The following HERC1 variants were observed in gnomAD, a reference collection of about 807,000 sequenced individuals.
HERC1 encodes the protein HECT and RLD domain containing E3 ubiquitin protein ligase family member 1.
HERC1 carries 160 observed loss-of-function variants against 554.3 expected under a neutral mutation model. That is an observed-to-expected ratio of 0.29 (90% CI 0.25 to 0.33). The LOEUF (loss-of-function observed/expected upper bound fraction) is 0.33, where lower values mean the gene tolerates loss of function less well. Among genes scored for constraint, HERC1 ranks in the 10% least tolerant of loss-of-function variants. The pLI, the probability that HERC1 is intolerant of heterozygous loss-of-function variation, is 1.00. For synonymous variants in HERC1, 2,175 were observed against 2,131.7 expected, an observed-to-expected ratio of 1.02 and a Z score of -0.56; for missense variants, 4,919 against 5,918.5, an observed-to-expected ratio of 0.83 and a Z score of 5.54.
intron 1 of HERC1, among the ~76,000 whole-genome samples, chr15:63,817,535 CA>C (rs1162968540): frequency 6.6e-6 from 1 of 152,098 alleles, no homozygotes; most frequent in Non-Finnish European, 1.5e-5. Flanking sequence ...GCCAACATGA[CA>C]AAACCGCATC....
rs143600242 is a variant in HERC1 at position 63,809,989 on chromosome 15, A to C, written c.-27+23838T>G. Among the ~76,000 whole-genome samples, 483 of 152,278 alleles carry C rather than the reference A, an allele frequency of 3.2e-3. 3 individuals carry two copies. Among genetic ancestry groups the C allele is most frequent in the Admixed American group, 8.9e-3 (136 of 15,290 alleles). On this transcript the variant is annotated intron_variant, in intron 1 of 77. Transcript: ENST00000443617. ...ACTGCACCCAGCCAGGAAACAATCT[A>C]AAGTCCACAAATAATAAACTGGTTA... is the stretch of plus-strand genomic sequence containing the variant.
intron 1 of HERC1, among the ~76,000 whole-genome samples, chr15:63,780,731 A>G (rs2076264222): frequency 6.6e-6 from 1 of 152,174 alleles, no homozygotes; most frequent in South Asian, 2.1e-4. Flanking sequence ...CAAAAAAAAA[A>G]AGGTAAAACA....
At chr15:63,767,404 G>A (rs1233670502) in intron 2 of HERC1, among the ~76,000 whole-genome samples, 2 of 151,652 alleles carry the variant, frequency 1.3e-5, no homozygotes, top group African/African-American at 4.8e-5. Context: ...CTACTGGGCA[G>A]ATAAACAATA....
At position 63,756,382 on chromosome 15, in the gene HERC1, C is replaced by T; in HGVS notation, c.1533+55G>A. On this transcript the variant is annotated intron_variant, in intron 5 of 77. Transcript: ENST00000443617. This position sits in a 1 kb window ranked among gnomAD's most constrained non-coding sequence, Gnocchi z 5.0. ...CACATCAAAATCTGAACGACATTGT[C>T]AATTACAACTCCAATGCATCTAATT... 1 of 1,402,990 alleles carries T rather than the reference C, an allele frequency of 7.1e-7. No homozygotes were observed. Among genetic ancestry groups the T allele is most frequent in the Non-Finnish European group, 9.8e-7 (1 of 1,017,546 alleles). 86.9% of individuals were successfully genotyped at this position (1,402,990 alleles called of 1,614,324 possible).
In HERC1 at chr15:63,656,350, C is replaced by T. The variant is rs757191223; in HGVS notation, c.9608G>A (p.Ser3203Asn). Residue 3203 changes from serine (S) to asparagine (N), a missense_variant, in exon 49 of 78, where the codon AGT becomes AAT. Transcript: ENST00000443617. Reference sequence around the variant, plus strand: ...CTCAAGACCAGCAGCCAGGCTACAACTGGAACCACTGCCAGTAAAGAAAAA... The same window carrying T: ...CTCAAGACCAGCAGCCAGGCTACAATTGGAACCACTGCCAGTAAAGAAAAA... ...ALSLLSVSGS[S>N]CSLAAGLESL... 3 of 1,606,444 alleles carry T rather than the reference C, an allele frequency of 1.9e-6. No homozygotes were observed. The highest frequency in any genetic ancestry group is 4.5e-5 in the East Asian group (2 of 44,654).
intron 24 of HERC1, among the ~76,000 whole-genome samples, chr15:63,707,534 T>A (rs1191766526): frequency 6.6e-6 from 1 of 152,172 alleles, no homozygotes; most frequent in Non-Finnish European, 1.5e-5. Context: ...ACAAATCATA[T>A]ATGACTTAAG....
intron 25 of HERC1, 62 bp downstream of exon 25, chr15:63,706,715 CTTT>C (rs34366173): frequency 0.015 from 10,388 of 671,354 alleles, 1 homozygote; most frequent in Non-Finnish European, 0.019. Flanking sequence ...TTACTATGCT[CTTT>C]TTTTTTTTTT....
At chr15:63,715,459 A>C (rs540171288) in intron 22 of HERC1, among the ~76,000 whole-genome samples, 1 of 151,726 alleles carries the variant, frequency 6.6e-6, no homozygotes, top group South Asian at 2.1e-4. Flanking sequence ...CCCATCTCCA[A>C]CTCCCTTTAC....
intron 31 of HERC1, among the ~76,000 whole-genome samples, chr15:63,691,748 G>T (rs1276403921): frequency 7.9e-5 from 12 of 152,032 alleles, no homozygotes; most frequent in Non-Finnish European, 1.5e-5. Context: ...TTATGTTTTG[G>T]CATACTTAGA....
In HERC1 at chr15:63,775,610, A is replaced by C. The variant is rs749907709; in HGVS notation, c.14T>G (p.Ile5Ser). Residue 5 changes from isoleucine to serine, a missense_variant, in exon 2 of 78, where the codon ATT becomes AGT. Physicochemically the swap from Ile to Ser is moderately radical, Grantham distance 142. Around this residue, in one of 11 missense-constraint regions of HERC1, gnomAD observed 110 missense variants for 99.3 expected, o/e 1.11. Coordinates refer to ENST00000443617, the MANE Select transcript of HERC1 (RefSeq NM_003922.4). This position sits in a 1 kb window ranked among gnomAD's most constrained non-coding sequence, Gnocchi z 4.0. MATM[I>S]PPVKLKWLEH... ...AAGCCATTTCAGCTTCACTGGTGGAATCATAGTTGCCATGTTGATTTATCC... is the reference window on the plus strand; with the variant it reads ...AAGCCATTTCAGCTTCACTGGTGGACTCATAGTTGCCATGTTGATTTATCC... The C allele has an allele frequency of 5.0e-6, 8 of 1,596,008 alleles. No individual in the cohort carries two copies. In the East Asian group the frequency reaches 1.6e-4, roughly 31 times the overall value.
intron 1 of HERC1, among the ~76,000 whole-genome samples, chr15:63,831,636 C>T (rs1261326796): frequency 1.3e-5 from 2 of 151,914 alleles, no homozygotes; most frequent in Non-Finnish European, 2.9e-5. Flanking sequence ...TTCAATATAC[C>T]CAGCCCCCTT....
At chr15:63,811,605 C>G (rs2077312774) in intron 1 of HERC1, among the ~76,000 whole-genome samples, 1 of 151,740 alleles carries the variant, frequency 6.6e-6, no homozygotes, top group Non-Finnish European at 1.5e-5. Context: ...GTCGGGAGAT[C>G]GAGACCATCC....
chr15:63,716,578 A>C, intron 21 of HERC1, 105 bp from the exon 22 acceptor site: 1 of 911,044 alleles, frequency 1.1e-6, no homozygotes, highest in Non-Finnish European at 1.6e-6. Flanking sequence ...TGTTGATATC[A>C]GTAATAACAC....
chr15:63,737,968 T>G (rs1194054581), intron 12 of HERC1, among the ~76,000 whole-genome samples: 1 of 152,166 alleles, frequency 6.6e-6, no homozygotes, highest in Non-Finnish European at 1.5e-5. Flanking sequence ...TCAAACTGTT[T>G]AAGTGTGAGC....
intron 1 of HERC1, among the ~76,000 whole-genome samples, chr15:63,819,248 T>C (rs1002989730): frequency 5.9e-5 from 9 of 151,508 alleles, no homozygotes; most frequent in Admixed American, 4.0e-4. Flanking sequence ...CAACTAGAGG[T>C]TGAGATTATT....
chr15:63,785,348 A>C (rs1314901462), intron 1 of HERC1, among the ~76,000 whole-genome samples: 1 of 152,096 alleles, frequency 6.6e-6, no homozygotes, highest in Non-Finnish European at 1.5e-5. Context: ...TTGAGCTCAG[A>C]AGTTCAAAGC....
chr15:63,716,223 G>A, intron 22 of HERC1, 79 bp downstream of exon 22: 1 of 1,298,970 alleles, frequency 7.7e-7, no homozygotes, highest in Non-Finnish European at 1.1e-6. Context: ...GAGAAACTTT[G>A]CCTTTCTCTT....
Position 63,716,075 on chromosome 15 carries a change from C to G in HERC1, c.4150+227G>C, listed in dbSNP as rs73448191. 0.022 allele frequency among the ~76,000 whole-genome samples: 3,369 copies of G among 152,250 alleles called. 127 individuals are homozygous for G. The highest frequency in any genetic ancestry group is 0.074 in the African/African-American group (3,085 of 41,526). ...GCTCAGTGAAGCAGGTACTGACATTCCTGCTTCCAGAGCTTCTCAGCCCTG... is the reference window on the plus strand; with the variant it reads ...GCTCAGTGAAGCAGGTACTGACATTGCTGCTTCCAGAGCTTCTCAGCCCTG... On this transcript the variant is annotated intron_variant, in intron 22 of 77. Coordinates refer to ENST00000443617, the MANE Select transcript of HERC1 (RefSeq NM_003922.4).
At chr15:63,824,377 CA>C (rs1374275416) in intron 1 of HERC1, among the ~76,000 whole-genome samples, 3 of 151,548 alleles carry the variant, frequency 2.0e-5, no homozygotes, top group Non-Finnish European at 4.4e-5. Context: ...ACTAAAAATA[CA>C]AAAAAATTAG....
Sources: allele counts gnomAD v4.1 joint callset (sites outside exome capture counted in the v4.1 genomes callset), GRCh38; gene constraint gnomAD v4.1.1; regional missense constraint gnomAD v4.1.1; non-coding constraint Gnocchi (gnomAD v3.1); transcripts MANE v1.5; gene names NCBI Gene and HGNC (gene_info 2026-07-23, HGNC 2026-07-21).